TAFA1: variants seen among roughly 807,000 people sequenced by gnomAD.
TAFA1 encodes the protein TAFA chemokine like family member 1, also known as chemokine-like protein TAFA-1.
Under a neutral mutation model 18.5 loss-of-function variants are expected in TAFA1, and 4 were observed. The ratio of observed to expected loss-of-function variants is 0.22; its 90% CI spans 0.11 to 0.49. The LOEUF is 0.49. TAFA1 is among the 20% of genes least tolerant of loss of function. The pLI is 0.98. For missense variants in TAFA1, 147 were observed against 169.0 expected, an observed-to-expected ratio of 0.87 and a Z score of 0.72; for synonymous variants, 56 against 55.2, an observed-to-expected ratio of 1.01 and a Z score of -0.06.
chr3:68,405,699 CAAAAAAAAAAAAAAAAAAAAAAAAA>C (rs56258198), intron 2 of TAFA1, among the ~76,000 whole-genome samples: 11 of 32,850 alleles, frequency 3.3e-4, no homozygotes, highest in Non-Finnish European at 6.2e-4. Context: ...GACTCTATCT[CAAAAAAAAAAAAAAAAAAAAAAAAA>C]AAAAAAAAAA....
chr3:68,158,354 C>T (rs370231638), intron 2 of TAFA1, among the ~76,000 whole-genome samples: 31 of 152,092 alleles, frequency 2.0e-4, no homozygotes, highest in African/African-American at 5.1e-4. Context: ...GTGCAGCATA[C>T]GGTATAGTGA....
At chr3:68,223,508 G>A (rs1330990313) in intron 2 of TAFA1, among the ~76,000 whole-genome samples, 2 of 150,080 alleles carry the variant, frequency 1.3e-5, no homozygotes, top group African/African-American at 4.9e-5. Context: ...GTCTACGCCT[G>A]TATGTACATA....
chr3:68,242,817 CGT>C (rs375505011), intron 2 of TAFA1, among the ~76,000 whole-genome samples: 1 of 151,252 alleles, frequency 6.6e-6, no homozygotes, highest in Middle Eastern at 3.4e-3. Flanking sequence ...TGATGTGAGA[CGT>C]GTGTGTGTGT....
intron 2 of TAFA1, among the ~76,000 whole-genome samples, chr3:68,372,777 A>C (rs72626994): frequency 1.3e-5 from 2 of 152,068 alleles, no homozygotes; most frequent in African/African-American, 4.8e-5. Context: ...AAAACAATAC[A>C]TTTAGCACTA....
rs995017020 is a variant in TAFA1 at position 68,346,661 on chromosome 3, T to C, written c.119-70619T>C. Among the ~76,000 whole-genome samples, 5 of 152,214 alleles carry C rather than the reference T, an allele frequency of 3.3e-5. 1 individual carries two copies. The South Asian group carries it at 1.0e-3, about 32-fold the overall frequency. ...TGAGGCTCTATCATCTGACAACTGC[T>C]GTACACAGAACTTGCTGTAGGTTAA... On this transcript the variant is annotated intron_variant, in intron 2 of 4. Transcript: ENST00000478136.
chr3:68,106,874 T>G (rs1321763166), intron 2 of TAFA1, among the ~76,000 whole-genome samples: 2 of 152,056 alleles, frequency 1.3e-5, no homozygotes, highest in Non-Finnish European at 2.9e-5. Context: ...AACTGCAAGA[T>G]ATAACATTAT....
At chr3:68,345,861 C>T (rs184438727) in intron 2 of TAFA1, among the ~76,000 whole-genome samples, 206 of 152,218 alleles carry the variant, frequency 1.4e-3, no homozygotes, top group Middle Eastern at 3.4e-3. Flanking sequence ...ACTGAGGATA[C>T]TTGGTAATGA....
At chr3:68,003,387 A>C (rs555588144), upstream of TAFA1, among the ~76,000 whole-genome samples, 14 of 152,340 alleles carry the variant, frequency 9.2e-5, no homozygotes, top group South Asian at 2.9e-3. Flanking sequence ...CTTGATTTTG[A>C]AAACACCATA....
At chr3:68,022,087 A>G (rs879468101) in intron 2 of TAFA1, among the ~76,000 whole-genome samples, 3 of 152,180 alleles carry the variant, frequency 2.0e-5, no homozygotes, top group Non-Finnish European at 4.4e-5. Flanking sequence ...TTTATATTCA[A>G]TTGTGACATT....
At chr3:68,327,126 C>G (rs140036527) in intron 2 of TAFA1, among the ~76,000 whole-genome samples, 1 of 152,174 alleles carries the variant, frequency 6.6e-6, no homozygotes, top group African/African-American at 2.4e-5. Context: ...ATGCCTGCCA[C>G]CATGTAAGAC....
intron 2 of TAFA1, among the ~76,000 whole-genome samples, chr3:68,120,335 T>C (rs2065384595): frequency 6.6e-6 from 1 of 151,726 alleles, no homozygotes; most frequent in Non-Finnish European, 1.5e-5. Flanking sequence ...CTACAACCTC[T>C]GCCTCCTGGG....
chr3:68,002,484 GA>G (rs200382123), upstream of TAFA1, among the ~76,000 whole-genome samples: 55 of 152,234 alleles, frequency 3.6e-4, 2 homozygotes, highest in East Asian at 0.011. Flanking sequence ...TAGCAAAGGT[GA>G]ACTTCCTTTT....
intron 2 of TAFA1, among the ~76,000 whole-genome samples, chr3:68,244,311 A>T (rs1446994490): frequency 6.6e-6 from 1 of 151,954 alleles, no homozygotes; most frequent in African/African-American, 2.4e-5. Context: ...TGTTGTTTTG[A>T]TGTCTAAGGA....
intron 3 of TAFA1, among the ~76,000 whole-genome samples, chr3:68,471,392 G>T (rs2071994968): frequency 6.6e-6 from 1 of 152,084 alleles, no homozygotes; most frequent in Non-Finnish European, 1.5e-5. Context: ...CTGATGACTT[G>T]CACCATGCAC....
In TAFA1 at chr3:68,250,074, G is replaced by A. The variant is rs2067163296; in HGVS notation, c.119-167206G>A. ...TAAGTCATACGATAAATTCATTCTGGGAGGAAAAGCATTTCCAGGGAGTAA... is the reference window on the plus strand; with the variant it reads ...TAAGTCATACGATAAATTCATTCTGAGAGGAAAAGCATTTCCAGGGAGTAA... On this transcript the variant is annotated intron_variant, in intron 2 of 4. Coordinates refer to ENST00000478136, the MANE Select transcript of TAFA1 (RefSeq NM_213609.4). Among the ~76,000 whole-genome samples, 3 of 152,076 alleles carry A rather than the reference G, an allele frequency of 2.0e-5. No individual in the cohort carries two copies. In the South Asian group the frequency reaches 6.2e-4, roughly 32 times the overall value.
intron 2 of TAFA1, among the ~76,000 whole-genome samples, chr3:68,284,406 G>C (rs894655547): frequency 6.6e-6 from 1 of 152,144 alleles, no homozygotes; most frequent in African/African-American, 2.4e-5. Context: ...AATGTCAAAT[G>C]TTACAATGTT....
At position 68,406,999 on chromosome 3, in the gene TAFA1, G is replaced by GT. The variant is rs1033226898; in HGVS notation, c.119-10280dup. On this transcript the variant is annotated intron_variant, in intron 2 of 4. Transcript: ENST00000478136. ...TTCTTTTAAAAATTGAAGAAATCTAGTGGGTGGGTGTTGAGTTGATTATGG... is the reference window on the plus strand; with the variant it reads ...TTCTTTTAAAAATTGAAGAAATCTAGTTGGGTGGGTGTTGAGTTGATTATGG... Among the ~76,000 whole-genome samples the GT allele has an allele frequency of 2.6e-5, 4 of 152,258 alleles. No homozygotes were observed. The South Asian group carries it at 8.3e-4, about 32-fold the overall frequency.
chr3:68,003,577 T>C (rs902301214), upstream of TAFA1, among the ~76,000 whole-genome samples: 7 of 152,162 alleles, frequency 4.6e-5, no homozygotes, highest in Non-Finnish European at 1.0e-4. Context: ...CTTGTATTCA[T>C]CATTGAAATT....
chr3:68,074,153 CAGT>C (rs1264527988), intron 2 of TAFA1, among the ~76,000 whole-genome samples: 2 of 152,150 alleles, frequency 1.3e-5, no homozygotes, highest in East Asian at 3.9e-4. Context: ...CACACCTATG[CAGT>C]TCACAATAGA....
Sources: gnomAD v4.1 joint callset for allele counts (sites outside exome capture counted in the v4.1 genomes callset) on GRCh38, gnomAD v4.1.1 for gene constraint, MANE v1.5 for transcripts, NCBI Gene and HGNC (gene_info 2026-07-23, HGNC 2026-07-21) for gene names.